PTCHD4: variants seen among roughly 807,000 people sequenced by gnomAD.
PTCHD4 encodes the protein patched domain-containing protein 4.
PTCHD4 carries 33 observed loss-of-function variants against 58.1 expected under a neutral mutation model. The ratio of observed to expected loss-of-function variants is 0.57; its 90% CI spans 0.43 to 0.76. The LOEUF is 0.76. Ranked by LOEUF, PTCHD4 falls within the 30% of genes least tolerant of loss-of-function variation. PTCHD4 has a pLI of 0.00. For synonymous variants in PTCHD4, 478 were observed against 409.6 expected (o/e 1.17, Z -2.02); for missense variants, 1,058 against 1,027.1 (o/e 1.03, Z -0.41).
chr6:47,939,562 G>A (rs1766131607), intron 4 of PTCHD4, among the ~76,000 whole-genome samples: 1 of 152,040 alleles, frequency 6.6e-6, no homozygotes, highest in African/African-American at 2.4e-5. Flanking sequence ...TTACACTTCT[G>A]CTCTGTGTCA....
intron 4 of PTCHD4, among the ~76,000 whole-genome samples, chr6:47,934,881 T>C (rs1166625770): frequency 6.6e-6 from 1 of 152,200 alleles, no homozygotes; most frequent in Non-Finnish European, 1.5e-5. Flanking sequence ...ATGTTCAAAC[T>C]TCTGGGACTT....
At chr6:48,061,322 G>A (rs1764618701) in intron 3 of PTCHD4, among the ~76,000 whole-genome samples, 1 of 152,144 alleles carries the variant, frequency 6.6e-6, no homozygotes, top group Non-Finnish European at 1.5e-5. Context: ...TAGATGATAG[G>A]GATGAGGGTT....
intron 4 of PTCHD4, chr6:47,899,822 C>CA (rs1764641939): frequency 6.6e-6 from 1 of 152,234 alleles, no homozygotes; most frequent in South Asian, 2.1e-4. Context: ...AGCAACTACT[C>CA]ATCTACTTCC....
chr6:47,897,446 G>A (rs189829890), intron 4 of PTCHD4, among the ~76,000 whole-genome samples: 20 of 152,282 alleles, frequency 1.3e-4, no homozygotes, highest in East Asian at 9.7e-4. Flanking sequence ...CCAGTCACCC[G>A]TCTCTTAACA....
chr6:48,095,657 C>A (rs1306035160), intron 1 of PTCHD4, among the ~76,000 whole-genome samples: 2 of 151,592 alleles, frequency 1.3e-5, no homozygotes, highest in Non-Finnish European at 2.9e-5. Flanking sequence ...CCACTGCACT[C>A]CAGCCTAGGC....
At chr6:48,104,680 C>G (rs1441808891) in intron 1 of PTCHD4, among the ~76,000 whole-genome samples, 3 of 152,114 alleles carry the variant, frequency 2.0e-5, no homozygotes, top group Admixed American at 6.5e-5. Context: ...AGTCAAGACC[C>G]ATCAGTGTGC....
At chr6:47,946,323 T>C (rs1175054080) in intron 4 of PTCHD4, among the ~76,000 whole-genome samples, 1 of 152,162 alleles carries the variant, frequency 6.6e-6, no homozygotes, top group South Asian at 2.1e-4. Flanking sequence ...AATTTTTAAT[T>C]TATTTTCATA....
chr6:47,898,177 C>A (rs972889060), intron 4 of PTCHD4, among the ~76,000 whole-genome samples: 1 of 151,994 alleles, frequency 6.6e-6, no homozygotes, highest in East Asian at 1.9e-4. Flanking sequence ...ATATCCTGAC[C>A]TCATGATCCA....
chr6:47,990,626 A>G (rs1261709702), intron 4 of PTCHD4, among the ~76,000 whole-genome samples: 10 of 152,098 alleles, frequency 6.6e-5, no homozygotes, highest in Admixed American at 6.5e-4. Context: ...TCCCACCATG[A>G]TTCTGAGGCT....
rs542668399 is a variant in PTCHD4, at chr6:48,018,957, C to T, written c.418-9843G>A. Among the ~76,000 whole-genome samples the T allele has an allele frequency of 3.5e-4, 53 of 152,280 alleles. No homozygotes were observed. The South Asian group carries it at 0.01, about 30-fold the overall frequency. On this transcript the variant is annotated intron_variant, in intron 3 of 4. Transcript: ENST00000339488. Reference sequence around the variant, plus strand: ...TGCCTTTCTTTTGGACTAAGAAATTCTCTTCTAAAAAGGCTCTAGTTTACA... The same window carrying T: ...TGCCTTTCTTTTGGACTAAGAAATTTTCTTCTAAAAAGGCTCTAGTTTACA...
At chr6:48,094,457 A>T (rs1367084331) in intron 1 of PTCHD4, among the ~76,000 whole-genome samples, 1 of 152,196 alleles carries the variant, frequency 6.6e-6, no homozygotes, top group Non-Finnish European at 1.5e-5. Context: ...AAACATTGAG[A>T]TCAATTAGAA....
chr6:48,020,897 T>C (rs1763044874), intron 3 of PTCHD4, among the ~76,000 whole-genome samples: 2 of 152,236 alleles, frequency 1.3e-5, no homozygotes, highest in Admixed American at 1.3e-4. Flanking sequence ...CTTTGTTAGG[T>C]TATTTTATAT....
rs1763848164 is a variant in PTCHD4 at position 47,876,347 on chromosome 6, C to T, written c.*1956G>A. Reference sequence around the variant, plus strand: ...CTGACACAATGGAGAAGACATAGATCATTTCCTGTTGAAACCCAATTACCT... The same window carrying T: ...CTGACACAATGGAGAAGACATAGATTATTTCCTGTTGAAACCCAATTACCT... On this transcript the variant is annotated 3_prime_UTR_variant, in exon 5 of 5. Transcript: ENST00000339488. Among the ~76,000 whole-genome samples the T allele has an allele frequency of 6.6e-6, 1 of 151,886 alleles. No homozygotes were observed. Among genetic ancestry groups the T allele is most frequent in the Non-Finnish European group, 1.5e-5 (1 of 67,942 alleles).
Position 47,856,950 on chromosome 6 carries a change from G to A in PTCHD4, c.*21353C>T, listed in dbSNP as rs995951421. ...GGGACAATATTCATATTTAAATAAT[G>A]ATATTAATAATTGGTAATGAATCAA... is the stretch of plus-strand genomic sequence containing the variant. On this transcript the variant is annotated 3_prime_UTR_variant, in exon 5 of 5. Transcript: ENST00000339488. Among the ~76,000 whole-genome samples, 1 of 151,938 alleles carries A rather than the reference G, an allele frequency of 6.6e-6. No homozygotes were observed.
At chr6:47,987,040 A>T (rs1768091779) in intron 4 of PTCHD4, among the ~76,000 whole-genome samples, 1 of 152,188 alleles carries the variant, frequency 6.6e-6, no homozygotes, top group South Asian at 2.1e-4. Context: ...GTAATAATTG[A>T]TCTACAGTAA....
chr6:47,938,976 G>A (rs1766111482), intron 4 of PTCHD4, among the ~76,000 whole-genome samples: 1 of 152,110 alleles, frequency 6.6e-6, no homozygotes, highest in Non-Finnish European at 1.5e-5. Flanking sequence ...GTACAAGAAG[G>A]AGTGAGTTGG....
At chr6:48,075,649 A>G (rs1159837942) in intron 1 of PTCHD4, among the ~76,000 whole-genome samples, 1 of 152,228 alleles carries the variant, frequency 6.6e-6, no homozygotes, top group Non-Finnish European at 1.5e-5. Context: ...CAAGTCACAC[A>G]AATTTTTTGG....
At chr6:48,020,128 C>T (rs79006502) in intron 3 of PTCHD4, among the ~76,000 whole-genome samples, 1,543 of 152,208 alleles carry the variant, frequency 0.01, 34 homozygotes, top group African/African-American at 0.035. Flanking sequence ...AGCTCTCTTT[C>T]GCTGCAATGT....
Position 48,107,238 on chromosome 6 carries a change from C to G in PTCHD4, c.-970+3811G>C, listed in dbSNP as rs1174586488. Reference sequence around the variant, plus strand: ...ACAGTAACCAAAACAGCATGGTACTCGTACCAAAACAGAGATATAGACCAA... The same window carrying G: ...ACAGTAACCAAAACAGCATGGTACTGGTACCAAAACAGAGATATAGACCAA... On this transcript the variant is annotated intron_variant, in intron 1 of 4. Coordinates refer to ENST00000339488, the MANE Select transcript of PTCHD4 (RefSeq NM_001384253.1). Among the ~76,000 whole-genome samples, 44 of 152,030 alleles carry G rather than the reference C, an allele frequency of 2.9e-4. No individual in the cohort carries two copies. The South Asian group carries it at 8.1e-3, about 28-fold the overall frequency.
Sources: allele counts gnomAD v4.1 joint callset (sites outside exome capture counted in the v4.1 genomes callset), GRCh38; gene constraint gnomAD v4.1.1; transcripts MANE v1.5; gene names NCBI Gene and HGNC (gene_info 2026-07-23, HGNC 2026-07-21).